Variants in ACVR1B observed in about 807,000 individuals in gnomAD.
ACVR1B encodes the protein activin A receptor type 1B.
Under a neutral mutation model 55.6 loss-of-function variants are expected in ACVR1B, and 15 were observed. The observed-to-expected ratio is 0.27, with a 90% CI of 0.18 to 0.42. The LOEUF (loss-of-function observed/expected upper bound fraction) is 0.42, where lower values mean the gene tolerates loss of function less well. Ranked by LOEUF, ACVR1B falls within the 10% of genes least tolerant of loss-of-function variation. ACVR1B has a pLI of 1.00. For synonymous variants in ACVR1B, 247 were observed against 254.6 expected, an observed-to-expected ratio of 0.97 and a Z score of 0.28; for missense variants, 359 against 670.1, an observed-to-expected ratio of 0.54 and a Z score of 5.13.
rs1246400911 is a variant in ACVR1B, at chr12:51,974,591, A to G, written c.92-674A>G. ...GGGCCTTTCAGGATGGGTTAAATGT[A>G]TTGTGCACTTTTAATGCATTATCTC... On this transcript the variant is annotated intron_variant, in intron 1 of 8. Coordinates refer to ENST00000257963, the MANE Select transcript of ACVR1B (RefSeq NM_004302.5). 5.3e-5 allele frequency among the ~76,000 whole-genome samples: 8 copies of G among 152,082 alleles called. No individual in the cohort carries two copies. The South Asian group carries it at 1.2e-3, about 24-fold the overall frequency.
chr12:51,972,733 A>C (rs1941770028), intron 1 of ACVR1B, among the ~76,000 whole-genome samples: 1 of 152,180 alleles, frequency 6.6e-6, no homozygotes, highest in Non-Finnish European at 1.5e-5. Context: ...TGACCTTTTC[A>C]GGGGTATGGG....
intron 4 of ACVR1B, 144 bp from the exon 5 acceptor site, chr12:51,983,855 A>T: frequency 1.3e-6 from 1 of 763,192 alleles, no homozygotes; most frequent in Admixed American, 2.5e-5. Context: ...AGGATGCTAG[A>T]TGGGGCTTCA....
Position 51,981,706 on chromosome 12 carries a change from C to T in ACVR1B, c.811+507C>T, listed in dbSNP as rs1941982775. ...AATGAGCTGGCCACGGTGACACCTACCTGTAATCCCAGCTATTCAGGAGGC... is the reference window on the plus strand; with the variant it reads ...AATGAGCTGGCCACGGTGACACCTATCTGTAATCCCAGCTATTCAGGAGGC... On this transcript the variant is annotated intron_variant, in intron 4 of 8. Coordinates refer to ENST00000257963, the MANE Select transcript of ACVR1B (RefSeq NM_004302.5). Among the ~76,000 whole-genome samples the T allele has an allele frequency of 3.3e-5, 5 of 152,302 alleles. No individual in the cohort carries two copies. The South Asian group carries it at 1.0e-3, about 32-fold the overall frequency.
At position 51,985,272 on chromosome 12, in the gene ACVR1B, C is replaced by T. The variant is rs758229787; in HGVS notation, c.1060C>T (p.Leu354=). The part of the protein sequence containing the change: ...KKNGMCAIAD[L]GLAVRHDAVT... Reference sequence around the variant, plus strand: ...AAATGGCATGTGTGCCATAGCAGACCTGGGCCTGGCTGTCCGTCATGATGC... The same window carrying T: ...AAATGGCATGTGTGCCATAGCAGACTTGGGCCTGGCTGTCCGTCATGATGC... The change falls in exon 6 of 9, where the codon CTG becomes TTG. Residue 354 remains leucine (L), a synonymous_variant. Coordinates refer to ENST00000257963, the MANE Select transcript of ACVR1B (RefSeq NM_004302.5). 1 of 1,613,974 alleles carries T rather than the reference C, an allele frequency of 6.2e-7. No homozygotes were observed. Among genetic ancestry groups the T allele is most frequent in the Admixed American group, 1.7e-5 (1 of 59,990 alleles).
chr12:51,963,493 C>T (rs2120489978), intron 1 of ACVR1B, among the ~76,000 whole-genome samples: 1 of 152,336 alleles, frequency 6.6e-6, no homozygotes, highest in East Asian at 1.9e-4. Context: ...CCACCTCGGC[C>T]TCCCAAAGTG....
intron 1 of ACVR1B, among the ~76,000 whole-genome samples, chr12:51,959,752 A>G (rs1325676422): frequency 1.3e-5 from 2 of 152,188 alleles, no homozygotes; most frequent in African/African-American, 4.8e-5. Context: ...ACTCACATAT[A>G]AAAATAAATC....
rs759785365 is a variant in ACVR1B at position 51,985,438 on chromosome 12, G to C, written c.1136+90G>C. 2.3e-4 allele frequency: 339 copies of C among 1,453,508 alleles called. 1 individual carries two copies. Among genetic ancestry groups the C allele is most frequent in the Non-Finnish European group, 1.9e-4 (203 of 1,083,624 alleles). The allele number at this position is 1,453,508 out of a possible 1,614,324, so 90.0% of individuals were successfully genotyped here. On this transcript the variant is annotated intron_variant, in intron 6 of 8. Coordinates refer to ENST00000257963, the MANE Select transcript of ACVR1B (RefSeq NM_004302.5). ...TCCCATATGCGCAGGAGAAGGAGGT[G>C]TTGAAAAAGGAGGCGAGGACCTTGC...
At position 51,971,592 on chromosome 12, in the gene ACVR1B, CAG is replaced by C. The variant is rs770840584; in HGVS notation, c.92-3667_92-3666del. ...TATCATTAGTCCAGATTTATTTTTT[CAG>C]AGAGAATTGAATTTAGTGTGCGTGA... On this transcript the variant is annotated intron_variant, in intron 1 of 8. Coordinates refer to ENST00000257963, the MANE Select transcript of ACVR1B (RefSeq NM_004302.5). Among the ~76,000 whole-genome samples the C allele has an allele frequency of 5.6e-4, 85 of 152,238 alleles. 2 individuals are homozygous for C. The highest frequency in any genetic ancestry group is 2.1e-4 in the Non-Finnish European group (14 of 68,010).
At chr12:51,982,198 A>G (rs1941993430) in intron 4 of ACVR1B, among the ~76,000 whole-genome samples, 4 of 152,214 alleles carry the variant, frequency 2.6e-5, no homozygotes, top group Admixed American at 6.5e-5. Flanking sequence ...AGAACTGGTC[A>G]GGAAGAAAAA....
rs375599171 is a variant in ACVR1B at position 51,981,368 on chromosome 12, A to C, written c.811+169A>C. On this transcript the variant is annotated intron_variant, in intron 4 of 8. Coordinates refer to ENST00000257963, the MANE Select transcript of ACVR1B (RefSeq NM_004302.5). ...CTTAAAGTGTGGAGCCTTTTATTCC[A>C]TGAAAAGGTTATACAAAAATCCAGG... is the stretch of plus-strand genomic sequence containing the variant. Among the ~76,000 whole-genome samples the C allele has an allele frequency of 1.9e-4, 29 of 152,272 alleles. No homozygotes were observed. The South Asian group carries it at 6.0e-3, about 32-fold the overall frequency.
intron 1 of ACVR1B, among the ~76,000 whole-genome samples, chr12:51,962,405 TA>T (rs1941549932): frequency 6.6e-6 from 1 of 152,222 alleles, no homozygotes; most frequent in African/African-American, 2.4e-5. Context: ...TTGGCACCTG[TA>T]AAATTTGACT....
At chr12:51,975,186 G>A (rs1457139256) in intron 1 of ACVR1B, 79 bp from the exon 2 acceptor site, 2 of 1,548,710 alleles carry the variant, frequency 1.3e-6, no homozygotes, top group Non-Finnish European at 1.7e-6. Context: ...TATGCTAAGG[G>A]ATTATATTCT....
chr12:51,982,688 G>A (rs1241603949), intron 4 of ACVR1B: 1 of 1,527,174 alleles, frequency 6.5e-7, no homozygotes, highest in Non-Finnish European at 8.7e-7. Context: ...AACAACAGCA[G>A]ACTGCTCATT....
intron 1 of ACVR1B, among the ~76,000 whole-genome samples, chr12:51,955,109 C>A (rs749027434): frequency 7.2e-5 from 11 of 152,160 alleles, no homozygotes; most frequent in Non-Finnish European, 1.6e-4. Flanking sequence ...TTAATTCTTA[C>A]GCAACTCTGG....
At chr12:51,958,660 G>GAAAA (rs1431857117) in intron 1 of ACVR1B, among the ~76,000 whole-genome samples, 1 of 149,500 alleles carries the variant, frequency 6.7e-6, no homozygotes, top group African/African-American at 2.5e-5. Context: ...AAAAAAAAAA[G>GAAAA]AAAAGAAAGA....
intron 1 of ACVR1B, among the ~76,000 whole-genome samples, chr12:51,960,912 A>T (rs955336419): frequency 6.6e-6 from 1 of 152,182 alleles, no homozygotes; most frequent in African/African-American, 2.4e-5. Flanking sequence ...ATCTGGTCTT[A>T]GTCTCCCTGA....
intron 1 of ACVR1B, among the ~76,000 whole-genome samples, chr12:51,952,339 A>AG (rs1941316180): frequency 6.6e-6 from 1 of 152,240 alleles, no homozygotes; most frequent in African/African-American, 2.4e-5. Flanking sequence ...CTGTAGGGGA[A>AG]GGGGTCTCTA....
intron 4 of ACVR1B, among the ~76,000 whole-genome samples, chr12:51,981,931 C>T (rs984380197): frequency 2.0e-5 from 3 of 152,208 alleles, no homozygotes; most frequent in Admixed American, 6.5e-5. Flanking sequence ...ACAGAAAAGC[C>T]TGTAGTCCAC....
intron 4 of ACVR1B, chr12:51,982,857 T>C: frequency 6.9e-7 from 1 of 1,441,474 alleles, no homozygotes; most frequent in African/African-American, 1.4e-5. Context: ...AATTTAAATC[T>C]TATATGTTTT....
Sources: allele counts gnomAD v4.1 joint callset (sites outside exome capture counted in the v4.1 genomes callset), GRCh38; gene constraint gnomAD v4.1.1; transcripts MANE v1.5; gene names NCBI Gene and HGNC (gene_info 2026-07-23, HGNC 2026-07-21).